C8orf76: variants seen among roughly 807,000 people sequenced by gnomAD.
C8orf76 encodes chromosome 8 open reading frame 76.
C8orf76 carries 46 observed loss-of-function variants against 38.1 expected under a neutral mutation model. The observed-to-expected ratio is 1.21, with a 90% CI of 0.95 to 1.54. The LOEUF is 1.54. Among genes scored for constraint, C8orf76 ranks in the 40% most tolerant of loss-of-function variants. C8orf76 has a pLI of 0.00. For missense variants in C8orf76, 461 were observed against 441.6 expected, an observed-to-expected ratio of 1.04 and a Z score of -0.39; for synonymous variants, 166 against 167.5, an observed-to-expected ratio of 0.99 and a Z score of 0.07.
chr8:123,228,184 C>T (rs1265677896), intron 4 of C8orf76, among the ~76,000 whole-genome samples: 15 of 152,300 alleles, frequency 9.8e-5, no homozygotes, highest in Admixed American at 9.2e-4. Context: ...TCTATTCTAT[C>T]GTGCAGTGAC....
chr8:123,237,724 T>A, intron 3 of C8orf76, 74 bp downstream of exon 3: 1 of 1,500,846 alleles, frequency 6.7e-7, no homozygotes, highest in Non-Finnish European at 8.9e-7. Flanking sequence ...AGAAGTTTGT[T>A]TTGTTTTCAA....
chr8:123,226,722 G>GT, intron 4 of C8orf76, 90 bp from the exon 5 acceptor site: 1 of 1,483,716 alleles, frequency 6.7e-7, no homozygotes, highest in Non-Finnish European at 8.9e-7. Flanking sequence ...GAAAGCCCAG[G>GT]TATTGAGTCG....
rs1326021703 is a variant in C8orf76 at position 123,231,532 on chromosome 8, T to A, written c.583A>T (p.Thr195Ser). ...LASSQKQHSF[T>S]SSDKTIKSFF... ...GATTTGATAGTTTTGTCACTTGAGG[T>A]GAAACTGTGCTGTTTCTGAGATGAC... The change falls in exon 4 of 6, where the codon ACC becomes TCC. Residue 195 changes from threonine to serine, a missense_variant. Thr to Ser is a moderately conservative substitution (Grantham distance 58). Coordinates refer to ENST00000276704, the MANE Select transcript of C8orf76 (RefSeq NM_032847.3). 1.2e-6 allele frequency: 2 copies of A among 1,614,138 alleles called. No individual in the cohort carries two copies. Among genetic ancestry groups the A allele is most frequent in the Non-Finnish European group, 1.7e-6 (2 of 1,180,060 alleles).
intron 5 of C8orf76, among the ~76,000 whole-genome samples, chr8:123,225,214 C>T (rs532207477): frequency 6.6e-6 from 1 of 152,266 alleles, no homozygotes; most frequent in East Asian, 1.9e-4. Context: ...ACCATGTTGG[C>T]CAGGCTGGTC....
intron 4 of C8orf76, among the ~76,000 whole-genome samples, chr8:123,227,416 T>C (rs1328540492): frequency 6.6e-6 from 1 of 152,144 alleles, no homozygotes; most frequent in Non-Finnish European, 1.5e-5. Context: ...AACACACTTG[T>C]GGCCTCATGG....
intron 2 of C8orf76, 43 bp from the exon 3 acceptor site, chr8:123,237,984 A>G (rs992126748): frequency 3.5e-5 from 56 of 1,586,170 alleles, no homozygotes; most frequent in Non-Finnish European, 4.5e-5. Context: ...GGAGGAAAAC[A>G]TAACAGAAAA....
At chr8:123,226,143 A>C in intron 5 of C8orf76, 1 of 1,063,368 alleles carries the variant, frequency 9.4e-7, no homozygotes, top group Non-Finnish European at 1.1e-6. Context: ...CAACTTCACA[A>C]GCTGTTATGA....
intron 1 of C8orf76, among the ~76,000 whole-genome samples, chr8:123,240,326 T>C (rs1234838134): frequency 6.6e-6 from 1 of 152,184 alleles, no homozygotes; most frequent in Non-Finnish European, 1.5e-5. Context: ...TCGTATGTGA[T>C]AAGGAGAAAA....
chr8:123,226,516 A>G lies in C8orf76; in HGVS notation c.932T>C (p.Leu311Ser). The G allele has an allele frequency of 6.2e-7, 1 of 1,613,150 alleles. No homozygotes were observed. Among genetic ancestry groups the G allele is most frequent in the Non-Finnish European group, 8.5e-7 (1 of 1,179,832 alleles). Residue 311 changes from leucine to serine, a missense_variant, in exon 5 of 6, where the codon TTG becomes TCG. Coordinates refer to ENST00000276704, the MANE Select transcript of C8orf76 (RefSeq NM_032847.3). ...MKGFSFKEDTLLLIAEVMGED... is the reference protein window; with the variant it reads ...MKGFSFKEDTSLLIAEVMGED... ...TACACTCACCTCAGCTATCAACAGC[A>G]AAGTGTCTTCTTTGAAGCTGAACCC... is the stretch of plus-strand genomic sequence containing the variant.
At chr8:123,228,081 A>G (rs565869476) in intron 4 of C8orf76, among the ~76,000 whole-genome samples, 1 of 151,940 alleles carries the variant, frequency 6.6e-6, no homozygotes, top group Admixed American at 6.6e-5. Flanking sequence ...AGGCACCACC[A>G]TCCACCTGTG....
chr8:123,226,380 G>C, intron 5 of C8orf76, 120 bp downstream of exon 5: 1 of 1,512,160 alleles, frequency 6.6e-7, no homozygotes, highest in Non-Finnish European at 8.8e-7. Context: ...AAGGCACACA[G>C]AGGAGGGAGA....
chr8:123,238,025 CT>C (rs920694664), intron 2 of C8orf76, 84 bp from the exon 3 acceptor site: 110 of 1,473,894 alleles, frequency 7.5e-5, no homozygotes, highest in Non-Finnish European at 9.7e-5. Flanking sequence ...ATTTTTTTTC[CT>C]AGGTGGAAAG....
chr8:123,235,859 A>T (rs1825452624), intron 3 of C8orf76, among the ~76,000 whole-genome samples: 1 of 152,210 alleles, frequency 6.6e-6, no homozygotes, highest in South Asian at 2.1e-4. Flanking sequence ...AGTGACGTGC[A>T]AGAAACGCCG....
At chr8:123,235,609 G>A (rs1825440140) in intron 3 of C8orf76, among the ~76,000 whole-genome samples, 1 of 152,132 alleles carries the variant, frequency 6.6e-6, no homozygotes, top group Non-Finnish European at 1.5e-5. Context: ...CTGCCCAACA[G>A]GTTGCCAGGA....
chr8:123,241,332 G>A lies in C8orf76; in HGVS notation c.15C>T (p.Cys5=), dbSNP rs765305157. Residue 5 remains cysteine (C), a synonymous_variant, in exon 1 of 6, where the codon TGC becomes TGT. Coordinates refer to ENST00000276704, the MANE Select transcript of C8orf76 (RefSeq NM_032847.3). The part of the protein sequence containing the change: MDSG[C]WLFGGEFEDS... ...CCTCGAACTCGCCGCCGAACAACCA[G>A]CACCCGGAATCCATCTCGCGCCCGC... 45 of 1,569,314 alleles carry A rather than the reference G, an allele frequency of 2.9e-5. No homozygotes were observed. Among genetic ancestry groups the A allele is most frequent in the Admixed American group, 5.8e-5 (3 of 51,584 alleles).
chr8:123,228,352 G>A (rs182852504), intron 4 of C8orf76, among the ~76,000 whole-genome samples: 332 of 152,284 alleles, frequency 2.2e-3, no homozygotes, highest in South Asian at 0.013. Context: ...CAGGCGCGGT[G>A]GCTCACGCCT....
At chr8:123,237,141 T>C in intron 3 of C8orf76, 1 of 823,926 alleles carries the variant, frequency 1.2e-6, no homozygotes. Flanking sequence ...TGTGCCCGCC[T>C]GCACCACCCC....
chr8:123,236,344 T>C (rs1018746150), intron 3 of C8orf76, among the ~76,000 whole-genome samples: 2 of 152,118 alleles, frequency 1.3e-5, no homozygotes, highest in African/African-American at 4.8e-5. Flanking sequence ...CTAATTCCCA[T>C]ATAAAATTTA....
chr8:123,231,316 A>T lies in C8orf76; in HGVS notation c.799T>A (p.Ser267Thr). The change falls in exon 4 of 6, where the codon TCT becomes ACT. Residue 267 changes from serine to threonine, a missense_variant. Ser to Thr is a moderately conservative substitution (Grantham distance 58). Coordinates refer to ENST00000276704, the MANE Select transcript of C8orf76 (RefSeq NM_032847.3). ...TCAGCTTACCTGGTTCGTATAAAAG[A>T]GGCACATGCTTTCAGCTGAGTCTCT... The part of the protein sequence containing the change: ...LIETQLKACA[S>T]FIRTRLLLQF... The T allele has an allele frequency of 6.8e-6, 11 of 1,609,780 alleles. No homozygotes were observed. The highest frequency in any genetic ancestry group is 9.3e-6 in the Non-Finnish European group (11 of 1,178,054).
Sources: allele counts gnomAD v4.1 joint callset (sites outside exome capture counted in the v4.1 genomes callset), GRCh38; gene constraint gnomAD v4.1.1; transcripts MANE v1.5; gene names NCBI Gene and HGNC (gene_info 2026-07-23, HGNC 2026-07-21).